The following CNGB3 variants were observed in gnomAD, a reference collection of about 807,000 sequenced individuals.
CNGB3 encodes the protein cyclic nucleotide-gated channel beta-3.
A neutral mutation model predicts 92.8 loss-of-function variants in CNGB3; 86 were observed. The observed-to-expected ratio is 0.93, with a 90% CI of 0.78 to 1.11. The LOEUF (loss-of-function observed/expected upper bound fraction) is 1.11, where lower values mean the gene tolerates loss of function less well. CNGB3 is among the 50% of genes least tolerant of loss of function. CNGB3 has a pLI of 0.00. For synonymous variants in CNGB3, 333 were observed against 332.7 expected (o/e 1.00, Z -0.01); for missense variants, 1,026 against 956.8 (o/e 1.07, Z -0.95).
At chr8:86,698,487 A>T (rs1586024097) in intron 3 of CNGB3, among the ~76,000 whole-genome samples, 1 of 152,222 alleles carries the variant, frequency 6.6e-6, no homozygotes, top group Non-Finnish European at 1.5e-5. Context: ...ATGGAATTTG[A>T]TTCCTTGCTC....
At chr8:86,725,142 T>C (rs1429001797) in intron 3 of CNGB3, among the ~76,000 whole-genome samples, 1 of 152,150 alleles carries the variant, frequency 6.6e-6, no homozygotes, top group South Asian at 2.1e-4. Flanking sequence ...AATCTATCAA[T>C]TGCCGTGGGT....
intron 13 of CNGB3, 79 bp from the exon 14 acceptor site, chr8:86,611,750 A>G (rs1822527435): frequency 1.0e-6 from 1 of 1,001,668 alleles, no homozygotes; most frequent in South Asian, 1.3e-5. Context: ...CAATGAAAAT[A>G]AACAGTAATA....
chr8:86,607,719 C>T (rs1458608877), intron 14 of CNGB3, among the ~76,000 whole-genome samples: 1 of 152,180 alleles, frequency 6.6e-6, no homozygotes, highest in African/African-American at 2.4e-5. Context: ...AGAAAACTCC[C>T]ACTCTTTCAA....
chr8:86,710,664 C>G (rs1176684738), intron 3 of CNGB3, among the ~76,000 whole-genome samples: 1 of 152,124 alleles, frequency 6.6e-6, no homozygotes, highest in Non-Finnish European at 1.5e-5. Flanking sequence ...CAAAAACATT[C>G]TATTACCACG....
At chr8:86,704,457 G>A (rs1407732151) in intron 3 of CNGB3, 1 of 152,180 alleles carries the variant, frequency 6.6e-6, no homozygotes. Flanking sequence ...AAATTCATTA[G>A]ACTGTATTTT....
At position 86,697,679 on chromosome 8, in the gene CNGB3, A is replaced by G. The variant is rs182283794; in HGVS notation, c.339-26581T>C. Among the ~76,000 whole-genome samples the G allele has an allele frequency of 8.5e-5, 13 of 152,336 alleles. No homozygotes were observed. The East Asian group carries it at 2.3e-3, about 27-fold the overall frequency. On this transcript the variant is annotated intron_variant, in intron 3 of 17. Coordinates refer to ENST00000320005, the MANE Select transcript of CNGB3 (RefSeq NM_019098.5). ...TATTATACTTTAAGTTCTAGGGTAC[A>G]TGTGCACAACGTGCAGGTTTGTTAC...
intron 15 of CNGB3, among the ~76,000 whole-genome samples, chr8:86,586,146 T>C (rs1445283870): frequency 6.6e-6 from 1 of 152,040 alleles, no homozygotes; most frequent in African/African-American, 2.4e-5. Context: ...TAGGAGTACA[T>C]AGAAATAGCA....
chr8:86,670,602 T>C (rs1563748928), intron 4 of CNGB3, among the ~76,000 whole-genome samples: 1 of 151,988 alleles, frequency 6.6e-6, no homozygotes, highest in Non-Finnish European at 1.5e-5. Context: ...AAAAAAGAGA[T>C]AGGGCCTCAC....
At position 86,671,107 on chromosome 8, in the gene CNGB3, G is replaced by GA. The variant is rs200792506; in HGVS notation, c.339-10dup. On this transcript the variant is annotated splice_polypyrimidine_tract_variant and intron_variant, in intron 3 of 17. Coordinates refer to ENST00000320005, the MANE Select transcript of CNGB3 (RefSeq NM_019098.5). Reference sequence around the variant, plus strand: ...GCGGTTTGTTTTGTGGGCTAAATGAGAAAAAAAATGGCAATAGAGATGGGC... The same window carrying GA: ...GCGGTTTGTTTTGTGGGCTAAATGAGAAAAAAAAATGGCAATAGAGATGGGC... 2,939 of 1,611,972 alleles carry GA rather than the reference G, an allele frequency of 1.8e-3. 39 individuals are homozygous for GA. In the African/African-American group the frequency reaches 0.034, roughly 19 times the overall value.
chr8:86,621,932 A>T (rs1438529788), intron 13 of CNGB3, among the ~76,000 whole-genome samples: 5 of 152,094 alleles, frequency 3.3e-5, no homozygotes, highest in Admixed American at 3.3e-4. Flanking sequence ...GCATGGTGGC[A>T]CTACTCAGGA....
chr8:86,591,392 T>G (rs1219092902), intron 15 of CNGB3, among the ~76,000 whole-genome samples: 1 of 152,118 alleles, frequency 6.6e-6, no homozygotes, highest in Non-Finnish European at 1.5e-5. Flanking sequence ...ATGAGCTGCA[T>G]TCCTTTGGAG....
In CNGB3 at chr8:86,575,791, G is replaced by T. The variant is rs1821645355; in HGVS notation, c.*13C>A. On this transcript the variant is annotated 3_prime_UTR_variant, in exon 18 of 18. Transcript: ENST00000320005. ...GGGAACTAGCTATATCACATCTAAA[G>T]ATAATCAAACATTTATTGCTTAGCC... 5 of 1,609,616 alleles carry T rather than the reference G, an allele frequency of 3.1e-6. No homozygotes were observed. The highest frequency in any genetic ancestry group is 1.7e-6 in the Non-Finnish European group (2 of 1,176,068).
chr8:86,700,178 T>G (rs1343636645), intron 3 of CNGB3, among the ~76,000 whole-genome samples: 1 of 152,188 alleles, frequency 6.6e-6, no homozygotes, highest in Non-Finnish European at 1.5e-5. Context: ...TTTAAATTGG[T>G]TTAATTCAGT....
At chr8:86,681,723 GA>G (rs1382447790) in intron 3 of CNGB3, among the ~76,000 whole-genome samples, 1 of 151,978 alleles carries the variant, frequency 6.6e-6, no homozygotes, top group Admixed American at 6.6e-5. Context: ...TCAAGAGATG[GA>G]AAAAAACAAC....
At chr8:86,613,186 C>T (rs1247098134) in intron 13 of CNGB3, among the ~76,000 whole-genome samples, 4 of 152,128 alleles carry the variant, frequency 2.6e-5, no homozygotes, top group African/African-American at 7.2e-5. Context: ...TTTTCTTTGG[C>T]TGCTATGTAT....
Position 86,657,795 on chromosome 8 carries a change from A to G in CNGB3, c.853-3733T>C, listed in dbSNP as rs112063832. 1,317 of 497,466 alleles carry G rather than the reference A, an allele frequency of 2.6e-3. 15 individuals carry two copies. Among genetic ancestry groups the G allele is most frequent in the African/African-American group, 0.024 (1,226 of 51,146 alleles). 30.8% of individuals were successfully genotyped at this position (497,466 alleles called of 1,614,324 possible). On this transcript the variant is annotated intron_variant, in intron 6 of 17. Transcript: ENST00000320005. The stretch of plus-strand genomic sequence containing the variant: ...CTTCATCTCCTCCTTGTCCTGGGCC[A>G]GGCTGCTGATGTATTCCTTCTGGTG...
chr8:86,577,458 C>T (rs192502593), intron 17 of CNGB3, among the ~76,000 whole-genome samples: 13 of 152,070 alleles, frequency 8.5e-5, no homozygotes, highest in Middle Eastern at 3.4e-3. Flanking sequence ...GATTTTTATT[C>T]ATGTAGTTTT....
intron 17 of CNGB3, 123 bp downstream of exon 17, chr8:86,578,566 A>G (rs1821700913): frequency 1.0e-5 from 9 of 898,950 alleles, no homozygotes; most frequent in Middle Eastern, 3.3e-4. Flanking sequence ...AGCAGGAAGT[A>G]TTAGTATTAG....
chr8:86,692,693 C>A (rs373750733), intron 3 of CNGB3, among the ~76,000 whole-genome samples: 19 of 152,230 alleles, frequency 1.2e-4, no homozygotes, highest in African/African-American at 4.1e-4. Context: ...CATTCTGTAT[C>A]TTTTAAGCGG....
Sources: gnomAD v4.1 joint callset for allele counts (sites outside exome capture counted in the v4.1 genomes callset) on GRCh38, gnomAD v4.1.1 for gene constraint, MANE v1.5 for transcripts, NCBI Gene and HGNC (gene_info 2026-07-23, HGNC 2026-07-21) for gene names.